Variants in RYR2 observed in about 807,000 individuals in gnomAD.
RYR2 encodes cardiac muscle ryanodine receptor-calcium release channel.
In RYR2, 227 loss-of-function variants were observed where a neutral mutation model predicts 601.1. The observed-to-expected ratio is 0.38, with a 90% CI of 0.34 to 0.42. The LOEUF (loss-of-function observed/expected upper bound fraction) is 0.42, where lower values mean the gene tolerates loss of function less well. Ranked by LOEUF, RYR2 falls within the 10% of genes least tolerant of loss-of-function variation. The pLI, the probability that RYR2 is intolerant of heterozygous loss-of-function variation, is 1.00. For synonymous variants in RYR2, 2,223 were observed against 2,175.1 expected, an observed-to-expected ratio of 1.02 and a Z score of -0.61; for missense variants, 4,646 against 6,156.5, an observed-to-expected ratio of 0.75 and a Z score of 8.21.
intron 47 of RYR2, among the ~76,000 whole-genome samples, chr1:237,641,978 A>AC (rs1553265213): frequency 2.0e-4 from 26 of 132,874 alleles, no homozygotes; most frequent in Admixed American, 1.1e-3. Context: ...TATTATATTC[A>AC]TTTAAAAAAA....
rs760569042 is a variant in RYR2, at chr1:237,220,327, G to T, written c.49-50170G>T. Among the ~76,000 whole-genome samples, 5 of 152,196 alleles carry T rather than the reference G, an allele frequency of 3.3e-5. No homozygotes were observed. In the South Asian group the frequency reaches 8.3e-4, roughly 25 times the overall value. ...TCCGGCCTTTGGACATCCCAGTCCG[G>T]TTTCTTTGGCTTTTGGACTCCGGGA... On this transcript the variant is annotated intron_variant, in intron 1 of 104. Coordinates refer to ENST00000366574, the MANE Select transcript of RYR2 (RefSeq NM_001035.3).
chr1:237,317,002 C>A (rs2149512122), intron 2 of RYR2, among the ~76,000 whole-genome samples: 1 of 152,226 alleles, frequency 6.6e-6, no homozygotes, highest in South Asian at 2.1e-4. Flanking sequence ...AAATTTAGAT[C>A]ATTTCCATGA....
chr1:237,396,051 G>A (rs565919426), intron 10 of RYR2, among the ~76,000 whole-genome samples: 3 of 152,270 alleles, frequency 2.0e-5, no homozygotes, highest in South Asian at 4.1e-4. Context: ...AGAAAGAAAC[G>A]GAGAAAAAAT....
chr1:237,765,755 T>G (rs1693800435), intron 84 of RYR2, among the ~76,000 whole-genome samples: 1 of 152,220 alleles, frequency 6.6e-6, no homozygotes, highest in Non-Finnish European at 1.5e-5. Context: ...GTGATGTTGG[T>G]TCGTGGCACC....
chr1:237,635,332 C>T (rs533634949), intron 44 of RYR2, among the ~76,000 whole-genome samples: 4 of 152,094 alleles, frequency 2.6e-5, no homozygotes, highest in Admixed American at 6.6e-5. Context: ...GGAGAACCAA[C>T]GTTCTGTATC....
intron 10 of RYR2, among the ~76,000 whole-genome samples, chr1:237,408,407 A>ATATATATATATATATATATATAGATAT (rs56317247): frequency 7.5e-6 from 1 of 132,902 alleles, no homozygotes; most frequent in Non-Finnish European, 1.6e-5. Flanking sequence ...TATATATATA[A>ATATATATATATATATATATATAGATAT]ATGGATATCC....
chr1:237,114,852 G>C (rs570108323), intron 1 of RYR2, among the ~76,000 whole-genome samples: 4 of 152,180 alleles, frequency 2.6e-5, no homozygotes, highest in Non-Finnish European at 1.5e-5. Flanking sequence ...TATTGGCCTT[G>C]TAGGGTTATT....
chr1:237,069,760 T>C (rs1478547611), intron 1 of RYR2, among the ~76,000 whole-genome samples: 1 of 152,204 alleles, frequency 6.6e-6, no homozygotes, highest in African/African-American at 2.4e-5. Context: ...TCAAAGCTAC[T>C]CCAGCTTATT....
At chr1:237,612,952 G>A (rs977349761) in intron 36 of RYR2, among the ~76,000 whole-genome samples, 1 of 152,168 alleles carries the variant, frequency 6.6e-6, no homozygotes, top group Non-Finnish European at 1.5e-5. Flanking sequence ...ACTGGCATCA[G>A]GCCATAGAAA....
chr1:237,336,186 G>C (rs539116186), intron 3 of RYR2, among the ~76,000 whole-genome samples: 1 of 152,058 alleles, frequency 6.6e-6, no homozygotes, highest in Non-Finnish European at 1.5e-5. Context: ...CATTTTCTTG[G>C]CACTTTTTAG....
At chr1:237,113,019 C>T (rs1245985142) in intron 1 of RYR2, among the ~76,000 whole-genome samples, 1 of 152,002 alleles carries the variant, frequency 6.6e-6, no homozygotes, top group Non-Finnish European at 1.5e-5. Flanking sequence ...CAGTGTGCTC[C>T]TTCTCCTTTC....
intron 29 of RYR2, among the ~76,000 whole-genome samples, chr1:237,583,903 C>A (rs1175553134): frequency 6.6e-6 from 1 of 152,200 alleles, no homozygotes; most frequent in Non-Finnish European, 1.5e-5. Context: ...TTAAAATTTG[C>A]TGAAGCCATC....
At chr1:237,057,046 T>C (rs1364184916) in intron 1 of RYR2, among the ~76,000 whole-genome samples, 1 of 152,142 alleles carries the variant, frequency 6.6e-6, no homozygotes, top group African/African-American at 2.4e-5. Context: ...AGTGTGGATT[T>C]AGTGTTTTGG....
At chr1:237,472,043 A>G (rs1359902520) in intron 17 of RYR2, among the ~76,000 whole-genome samples, 1 of 152,190 alleles carries the variant, frequency 6.6e-6, no homozygotes, top group Non-Finnish European at 1.5e-5. Context: ...TTTTTTAAGT[A>G]TCTAAAATAT....
chr1:237,246,424 T>G (rs1686842901), intron 1 of RYR2, among the ~76,000 whole-genome samples: 1 of 152,176 alleles, frequency 6.6e-6, no homozygotes, highest in Non-Finnish European at 1.5e-5. Context: ...GGTTGTTTTG[T>G]CCTGTCTCTG....
chr1:237,119,578 C>G (rs1309561749), intron 1 of RYR2, among the ~76,000 whole-genome samples: 1 of 152,158 alleles, frequency 6.6e-6, no homozygotes, highest in East Asian at 1.9e-4. Flanking sequence ...TTGGGTCCAT[C>G]TCTCCTACGA....
At chr1:237,703,562 TTA>T (rs945612707) in intron 66 of RYR2, among the ~76,000 whole-genome samples, 8 of 148,234 alleles carry the variant, frequency 5.4e-5, no homozygotes, top group African/African-American at 2.0e-4. Context: ...TTTTTTACCT[TTA>T]TATATATATA....
At chr1:237,509,491 C>T (rs1172896755) in intron 23 of RYR2, among the ~76,000 whole-genome samples, 2 of 152,150 alleles carry the variant, frequency 1.3e-5, no homozygotes, top group East Asian at 1.9e-4. Context: ...AGGAAGTTAT[C>T]GTTACTTTGG....
chr1:237,640,788 GA>G (rs1681383796), intron 46 of RYR2, 108 bp from the exon 47 acceptor site: 7 of 845,078 alleles, frequency 8.3e-6, no homozygotes, highest in Non-Finnish European at 1.1e-5. Context: ...AAACATATCA[GA>G]AAAATAATGT....
Sources: gnomAD v4.1 joint callset for allele counts (sites outside exome capture counted in the v4.1 genomes callset) on GRCh38, gnomAD v4.1.1 for gene constraint, MANE v1.5 for transcripts, NCBI Gene and HGNC (gene_info 2026-07-23, HGNC 2026-07-21) for gene names.